The following RHOQ variants were observed in gnomAD, a reference collection of about 807,000 sequenced individuals.
RHOQ encodes the protein rho-related GTP-binding protein RhoQ.
RHOQ carries 7 observed loss-of-function variants against 25.8 expected under a neutral mutation model. The observed-to-expected ratio is 0.27, with a 90% CI of 0.15 to 0.51. The LOEUF is 0.51. Among genes scored for constraint, RHOQ ranks in the 20% least tolerant of loss-of-function variants. The pLI is 0.97. For synonymous variants in RHOQ, 97 were observed against 98.6 expected (o/e 0.98, Z 0.10); for missense variants, 165 against 260.6 (o/e 0.63, Z 2.53).
At chr2:46,560,282 A>G (rs1277540761) in intron 2 of RHOQ, among the ~76,000 whole-genome samples, 1 of 151,854 alleles carries the variant, frequency 6.6e-6, no homozygotes, top group Non-Finnish European at 1.5e-5. Flanking sequence ...TGTTATTGTT[A>G]TTTCTTTTCC....
intron 2 of RHOQ, among the ~76,000 whole-genome samples, chr2:46,564,567 G>A (rs545115105): frequency 9.8e-5 from 15 of 152,306 alleles, no homozygotes; most frequent in African/African-American, 3.6e-4. Context: ...TGGGGCTCAA[G>A]TATTCACATT....
chr2:46,554,519 G>A (rs899868540), intron 2 of RHOQ, among the ~76,000 whole-genome samples: 1 of 152,220 alleles, frequency 6.6e-6, no homozygotes, highest in African/African-American at 2.4e-5. Context: ...ACTCCTCTGG[G>A]TGGTGACAGA....
At chr2:46,546,472 ATGTG>A (rs56832386) in intron 2 of RHOQ, among the ~76,000 whole-genome samples, 43,536 of 67,862 alleles carry the variant, frequency 0.64, 12,757 homozygotes, top group East Asian at 0.75. Flanking sequence ...ATATATATAT[ATGTG>A]TATATATATA....
intron 2 of RHOQ, chr2:46,572,599 T>G: frequency 3.3e-6 from 1 of 305,986 alleles, no homozygotes; most frequent in Non-Finnish European, 6.6e-6. Context: ...TCTTTCATTG[T>G]TTTGATGTTG....
chr2:46,576,426 T>C lies in RHOQ; in HGVS notation c.367-135T>C. On this transcript the variant is annotated intron_variant, in intron 3 of 4. Coordinates refer to ENST00000238738, the MANE Select transcript of RHOQ (RefSeq NM_012249.4). The surrounding 1 kb of genome is among the most constrained non-coding windows in gnomAD (Gnocchi z 5.1). ...AAATTGTGCCAAAAGAAAGCAATTA[T>C]TTTCCTGGTTTTTAAAAATTAAGTT... The C allele has an allele frequency of 1.1e-6, 1 of 892,128 alleles. No homozygotes were observed. Among genetic ancestry groups the C allele is most frequent in the Non-Finnish European group, 1.7e-6 (1 of 587,364 alleles). The allele number at this position is 892,128 out of a possible 1,614,324, so 55.3% of individuals were successfully genotyped here. A position where few individuals can be genotyped will look rare whatever the true frequency, so the allele number is the denominator to read the frequency against.
intron 2 of RHOQ, among the ~76,000 whole-genome samples, chr2:46,567,286 C>A (rs1572748829): frequency 1.3e-5 from 2 of 152,142 alleles, no homozygotes; most frequent in Admixed American, 6.5e-5. Context: ...TATTGGCTAA[C>A]ATAGTTATTT....
intron 2 of RHOQ, among the ~76,000 whole-genome samples, chr2:46,560,095 G>A (rs750203984): frequency 4.6e-5 from 7 of 152,162 alleles, no homozygotes; most frequent in African/African-American, 1.2e-4. Flanking sequence ...TTGTGGCTCC[G>A]CGTTCAGTCC....
chr2:46,550,288 T>C (rs1414135343), intron 2 of RHOQ, among the ~76,000 whole-genome samples: 1 of 152,114 alleles, frequency 6.6e-6, no homozygotes, highest in African/African-American at 2.4e-5. Flanking sequence ...AGCTTGTTTC[T>C]GCTAAAAGGT....
chr2:46,547,501 G>A (rs1049472947), intron 2 of RHOQ, among the ~76,000 whole-genome samples: 1 of 152,208 alleles, frequency 6.6e-6, no homozygotes, highest in Non-Finnish European at 1.5e-5. Flanking sequence ...GCACTGCCTG[G>A]GGACATCCCA....
intron 2 of RHOQ, among the ~76,000 whole-genome samples, chr2:46,546,508 A>ACG (rs1668070155): frequency 4.4e-5 from 1 of 22,832 alleles, no homozygotes; most frequent in Non-Finnish European, 8.0e-5. Context: ...ATATATATAT[A>ACG]TATGTATATA....
chr2:46,573,878 C>T (rs932622562), intron 2 of RHOQ, among the ~76,000 whole-genome samples: 1 of 152,176 alleles, frequency 6.6e-6, no homozygotes, highest in South Asian at 2.1e-4. Context: ...CTAATGAGTA[C>T]AGTAATAATA....
rs954971547 is a variant in RHOQ, at chr2:46,556,906, G to A, written c.201+13094G>A. Among the ~76,000 whole-genome samples the A allele has an allele frequency of 6.6e-6, 1 of 152,156 alleles. No individual in the cohort carries two copies. Among genetic ancestry groups the A allele is most frequent in the Non-Finnish European group, 1.5e-5 (1 of 68,038 alleles). The stretch of plus-strand genomic sequence containing the variant: ...CAAGGACCATCAGGTACATGGGTCT[G>A]ATTTATGTTAACTCGTAAGAGATCA... On this transcript the variant is annotated intron_variant, in intron 2 of 4. Coordinates refer to ENST00000238738, the MANE Select transcript of RHOQ (RefSeq NM_012249.4). The surrounding 1 kb of genome is among the most constrained non-coding windows in gnomAD (Gnocchi z 4.9).
At chr2:46,574,704 A>C (rs527400418) in intron 2 of RHOQ, among the ~76,000 whole-genome samples, 1 of 152,204 alleles carries the variant, frequency 6.6e-6, no homozygotes, top group African/African-American at 2.4e-5. Context: ...GCCCTTCAAA[A>C]GCATCACAGA....
intron 2 of RHOQ, among the ~76,000 whole-genome samples, chr2:46,549,639 G>C (rs1384800020): frequency 6.6e-6 from 1 of 152,182 alleles, no homozygotes; most frequent in African/African-American, 2.4e-5. Flanking sequence ...TGACAGGCTT[G>C]GCTTTGCCCT....
At chr2:46,562,099 A>G (rs1668595664) in intron 2 of RHOQ, among the ~76,000 whole-genome samples, 1 of 152,214 alleles carries the variant, frequency 6.6e-6, no homozygotes, top group Non-Finnish European at 1.5e-5. Flanking sequence ...AGACTCACTT[A>G]TCGGCAGCAC....
chr2:46,557,464 A>G (rs1439583628), intron 2 of RHOQ, among the ~76,000 whole-genome samples: 1 of 152,180 alleles, frequency 6.6e-6, no homozygotes. Context: ...AACCATATAT[A>G]TATGTATAGT....
At chr2:46,558,232 A>G (rs1446963208) in intron 2 of RHOQ, among the ~76,000 whole-genome samples, 1 of 152,128 alleles carries the variant, frequency 6.6e-6, no homozygotes, top group Non-Finnish European at 1.5e-5. Flanking sequence ...CAGGTTTATT[A>G]GGATTCTCTT....
chr2:46,561,451 T>C (rs983319420), intron 2 of RHOQ, among the ~76,000 whole-genome samples: 25 of 151,982 alleles, frequency 1.6e-4, no homozygotes, highest in African/African-American at 5.8e-4. Flanking sequence ...TACAGAGTAG[T>C]CGTTCATCGG....
chr2:46,569,242 C>G lies in RHOQ; in HGVS notation c.202-6845C>G, dbSNP rs779241101. The G allele has an allele frequency of 6.6e-6, 1 of 152,202 alleles. No individual in the cohort carries two copies. Among genetic ancestry groups the G allele is most frequent in the Non-Finnish European group, 1.5e-5 (1 of 68,054 alleles). The allele number at this position is 152,202 out of a possible 1,614,324, so 9.4% of individuals were successfully genotyped here. ...TCACAGATGGGGAAGTGAAGCTTGC[C>G]TGAGGGCTGTATTTAGCTAAGTCTT... On this transcript the variant is annotated intron_variant, in intron 2 of 4. Coordinates refer to ENST00000238738, the MANE Select transcript of RHOQ (RefSeq NM_012249.4). The surrounding 1 kb of genome is among the most constrained non-coding windows in gnomAD (Gnocchi z 4.1).
Sources: allele counts gnomAD v4.1 joint callset (sites outside exome capture counted in the v4.1 genomes callset), GRCh38; gene constraint gnomAD v4.1.1; non-coding constraint Gnocchi (gnomAD v3.1); transcripts MANE v1.5; gene names NCBI Gene and HGNC (gene_info 2026-07-23, HGNC 2026-07-21).